Variants in TESC observed in about 807,000 individuals in gnomAD.
TESC encodes the protein calcineurin B homologous protein 3.
TESC carries 19 observed loss-of-function variants against 31.0 expected under a neutral mutation model. The ratio of observed to expected loss-of-function variants is 0.61; its 90% CI spans 0.43 to 0.90. TESC has a LOEUF of 0.90. TESC is among the 40% of genes least tolerant of loss of function. TESC has a pLI of 0.00. For synonymous variants in TESC, 109 were observed against 114.8 expected, an observed-to-expected ratio of 0.95 and a Z score of 0.32; for missense variants, 248 against 303.8, an observed-to-expected ratio of 0.82 and a Z score of 1.36.
chr12:117,061,278 T>C (rs985317404), intron 2 of TESC, among the ~76,000 whole-genome samples: 1 of 152,048 alleles, frequency 6.6e-6, no homozygotes, highest in Non-Finnish European at 1.5e-5. Context: ...GGTCAATAAA[T>C]GGTTTGCTGA....
chr12:117,067,362 G>A (rs980364438), intron 2 of TESC, among the ~76,000 whole-genome samples: 1 of 152,074 alleles, frequency 6.6e-6, no homozygotes, highest in South Asian at 2.1e-4. Flanking sequence ...CCAGGAGTCC[G>A]AGACCAGCCT....
chr12:117,044,805 G>A (rs1246738729), intron 6 of TESC, among the ~76,000 whole-genome samples: 4 of 152,292 alleles, frequency 2.6e-5, no homozygotes, highest in Admixed American at 2.6e-4. Context: ...GCTGAGGCAG[G>A]AGAATCACTT....
chr12:117,072,099 A>C (rs558613916), intron 2 of TESC, among the ~76,000 whole-genome samples: 123 of 152,234 alleles, frequency 8.1e-4, no homozygotes, highest in Admixed American at 3.9e-3. Flanking sequence ...AGCGCCTAGA[A>C]CCTAAAAGTG....
intron 1 of TESC, among the ~76,000 whole-genome samples, chr12:117,083,560 A>G (rs985447699): frequency 6.6e-6 from 1 of 152,246 alleles, no homozygotes; most frequent in Non-Finnish European, 1.5e-5. Context: ...ATTCAGCAAA[A>G]AAAGAAATGA....
intron 2 of TESC, among the ~76,000 whole-genome samples, chr12:117,062,517 C>A (rs1031944533): frequency 1.3e-5 from 2 of 152,140 alleles, no homozygotes; most frequent in African/African-American, 4.8e-5. Flanking sequence ...CCACTGCACC[C>A]GGCCTGTGCC....
chr12:117,049,231 C>T, intron 3 of TESC, 73 bp from the exon 4 acceptor site: 1 of 1,595,926 alleles, frequency 6.3e-7, no homozygotes, highest in Non-Finnish European at 8.5e-7. Flanking sequence ...CCATTAGCTC[C>T]CGAGAACTCC....
chr12:117,086,485 G>A (rs1195758902), intron 1 of TESC, among the ~76,000 whole-genome samples: 1 of 152,140 alleles, frequency 6.6e-6, no homozygotes, highest in Non-Finnish European at 1.5e-5. Context: ...TGGATGGAGT[G>A]CAGTGGCACG....
At chr12:117,065,225 G>C (rs1387233464) in intron 2 of TESC, among the ~76,000 whole-genome samples, 1 of 152,202 alleles carries the variant, frequency 6.6e-6, no homozygotes, top group Non-Finnish European at 1.5e-5. Context: ...AGACACAGGG[G>C]AACCAGGGAG....
At chr12:117,090,031 C>T (rs567980960) in intron 1 of TESC, among the ~76,000 whole-genome samples, 53 of 151,502 alleles carry the variant, frequency 3.5e-4, no homozygotes, top group African/African-American at 7.3e-4. Flanking sequence ...GCAACAAGAC[C>T]AAAAACGAAT....
chr12:117,067,209 G>C (rs1049508771), intron 2 of TESC, among the ~76,000 whole-genome samples: 2 of 152,124 alleles, frequency 1.3e-5, no homozygotes, highest in African/African-American at 4.8e-5. Flanking sequence ...TTCTGATGGT[G>C]AAACAGCCTG....
chr12:117,098,696 A>C, intron 1 of TESC: 1 of 152,370 alleles, frequency 6.6e-6, no homozygotes, highest in African/African-American at 2.4e-5. Context: ...ACCCGCGGGG[A>C]TGAGGCTGCC....
At chr12:117,084,511 G>C (rs1955190190) in intron 1 of TESC, among the ~76,000 whole-genome samples, 1 of 152,250 alleles carries the variant, frequency 6.6e-6, no homozygotes, top group Non-Finnish European at 1.5e-5. Context: ...CTGAATGCTG[G>C]GGTAAGCGCA....
intron 2 of TESC, among the ~76,000 whole-genome samples, chr12:117,066,144 C>T (rs567501263): frequency 6.6e-6 from 1 of 151,498 alleles, no homozygotes; most frequent in Non-Finnish European, 1.5e-5. Context: ...ACCCCAAGGA[C>T]CCTCTCCTCC....
At position 117,056,825 on chromosome 12, in the gene TESC, G is replaced by T; in HGVS notation, c.190C>A (p.Arg64Ser). The T allele has an allele frequency of 5.6e-6, 9 of 1,614,142 alleles. No individual in the cohort carries two copies. Among genetic ancestry groups the T allele is most frequent in the South Asian group, 2.2e-5 (2 of 91,060 alleles). ...ELNPIRSKIV[R>S]AFFDNRNLRK... The stretch of plus-strand genomic sequence containing the variant: ...GCCCACCTGTTGTCGAAGAAGGCAC[G>T]AACAATTTTGGATCGGATGGGGTTG... Residue 64 changes from arginine (R) to serine (S), a missense_variant, in exon 3 of 8, where the codon CGT (arginine) becomes AGT (serine). Physicochemically the swap from Arg to Ser is moderately radical, Grantham distance 110 (BLOSUM62 -1). Coordinates refer to ENST00000335209, the MANE Select transcript of TESC (RefSeq NM_017899.4).
chr12:117,059,096 G>A (rs958851686), intron 2 of TESC, among the ~76,000 whole-genome samples: 6 of 152,204 alleles, frequency 3.9e-5, no homozygotes, highest in African/African-American at 7.2e-5. Flanking sequence ...AAATGAGGAC[G>A]TCCGGGTGGG....
At chr12:117,075,895 A>ATGTGTGTGTGTGTGTGTGTG (rs1294018242) in intron 1 of TESC, among the ~76,000 whole-genome samples, 1 of 83,054 alleles carries the variant, frequency 1.2e-5, no homozygotes, top group African/African-American at 7.1e-5. Flanking sequence ...ATATATATAT[A>ATGTGTGTGTGTGTGTGTGTG]TATATATATA....
chr12:117,077,997 A>T (rs761442571), intron 1 of TESC, among the ~76,000 whole-genome samples: 45 of 152,206 alleles, frequency 3.0e-4, no homozygotes, highest in Non-Finnish European at 5.1e-4. Context: ...ACTAAAGGAG[A>T]TCTGGGAAGA....
At chr12:117,088,186 A>G (rs542960802) in intron 1 of TESC, among the ~76,000 whole-genome samples, 2 of 152,342 alleles carry the variant, frequency 1.3e-5, no homozygotes, top group East Asian at 1.9e-4. Context: ...TTATGTAATT[A>G]GAGAAAAATT....
At chr12:117,081,372 TCTTTA>T (rs1337641636) in intron 1 of TESC, among the ~76,000 whole-genome samples, 35 of 152,340 alleles carry the variant, frequency 2.3e-4, no homozygotes, top group Non-Finnish European at 5.9e-5. Flanking sequence ...ACCATTAATT[TCTTTA>T]CTTGTCTTAA....
Sources: gnomAD v4.1 joint callset for allele counts (sites outside exome capture counted in the v4.1 genomes callset) on GRCh38, gnomAD v4.1.1 for gene constraint, MANE v1.5 for transcripts, NCBI Gene and HGNC (gene_info 2026-07-23, HGNC 2026-07-21) for gene names.